The following CDK2AP1 variants were observed in gnomAD, a reference collection of about 807,000 sequenced individuals.
The protein encoded by CDK2AP1 is cyclin dependent kinase 2 associated protein 1.
CDK2AP1 carries 10 observed loss-of-function variants against 14.1 expected under a neutral mutation model. The observed-to-expected ratio is 0.71, with a 90% CI of 0.44 to 1.20. The LOEUF (loss-of-function observed/expected upper bound fraction) is 1.20. CDK2AP1 is among the 50% of genes most tolerant of loss of function. The pLI is 0.00. For synonymous variants in CDK2AP1, 59 were observed against 59.8 expected, an observed-to-expected ratio of 0.99 and a Z score of 0.06; for missense variants, 102 against 149.9, an observed-to-expected ratio of 0.68 and a Z score of 1.67.
In CDK2AP1 at chr12:123,261,480, TC is replaced by T; in HGVS notation, c.*255del. The T allele has an allele frequency of 2.4e-6, 1 of 422,774 alleles. No homozygotes were observed. Among genetic ancestry groups the T allele is most frequent in the Middle Eastern group, 6.8e-4 (1 of 1,462 alleles). The allele number at this position is 422,774 out of a possible 1,614,324, so 26.2% of individuals were successfully genotyped here. A position where few individuals can be genotyped will look rare whatever the true frequency, so the allele number is the denominator to read the frequency against. On this transcript the variant is annotated 3_prime_UTR_variant, in exon 4 of 4. Coordinates refer to ENST00000261692, the MANE Select transcript of CDK2AP1 (RefSeq NM_004642.4). ...ACTACAGTTTGCTGTAAGATAACTT[TC>T]CGTGCATCTTTTAAATCAATGCTTA...
chr12:123,270,153 G>A (rs894789039), intron 1 of CDK2AP1: 52 of 953,048 alleles, frequency 5.5e-5, no homozygotes, highest in Non-Finnish European at 6.2e-5. Flanking sequence ...CAGGCCAGAG[G>A]AAGAAGGCTG....
chr12:123,265,503 G>C lies in CDK2AP1; in HGVS notation c.154-181C>G, dbSNP rs1310700670. On this transcript the variant is annotated intron_variant, in intron 2 of 3. Transcript: ENST00000261692. This position sits in a 1 kb window ranked among gnomAD's most constrained non-coding sequence, Gnocchi z 5.3. Reference sequence around the variant, plus strand: ...GGGCAACAGAGCGAGACTCCATCTCGGGGGAAAAAAAAAAAAAAGGGTTCA... The same window carrying C: ...GGGCAACAGAGCGAGACTCCATCTCCGGGGAAAAAAAAAAAAAAGGGTTCA... Among the ~76,000 whole-genome samples the C allele has an allele frequency of 4.1e-5, 4 of 97,944 alleles. No homozygotes were observed. Among genetic ancestry groups the C allele is most frequent in the African/African-American group, 1.0e-4 (4 of 38,590 alleles). The allele number at this position is 97,944 out of a possible 152,430, so 64.3% of individuals were successfully genotyped here.
In CDK2AP1 at chr12:123,261,549, C is replaced by G. The variant is rs901328702; in HGVS notation, c.*187G>C. 1.1e-5 allele frequency: 6 copies of G among 528,646 alleles called. No homozygotes were observed. In the African/African-American group the frequency reaches 1.2e-4, roughly 10 times the overall value. The allele number at this position is 528,646 out of a possible 1,614,324, so 32.7% of individuals were successfully genotyped here. On this transcript the variant is annotated 3_prime_UTR_variant, in exon 4 of 4. Transcript: ENST00000261692. Reference sequence around the variant, plus strand: ...GGGCAGTTCCTAACTACTTAAAATGCAAATCCTAATTAACTGCAAAATCTT... The same window carrying G: ...GGGCAGTTCCTAACTACTTAAAATGGAAATCCTAATTAACTGCAAAATCTT...
In CDK2AP1 at chr12:123,266,213, C is replaced by T. The variant is rs549080881; in HGVS notation, c.154-891G>A. On this transcript the variant is annotated intron_variant, in intron 2 of 3. Coordinates refer to ENST00000261692, the MANE Select transcript of CDK2AP1 (RefSeq NM_004642.4). ...CGCGCTCTGTCCTGTCCTCGTCCTG[C>T]TCCGGCTGCTCTGCCTCCCCACGGC... is the stretch of plus-strand genomic sequence containing the variant. Among the ~76,000 whole-genome samples the T allele has an allele frequency of 1.3e-4, 20 of 152,360 alleles. No homozygotes were observed. In the South Asian group the frequency reaches 1.7e-3, roughly 13 times the overall value.
At chr12:123,271,977 T>TG (rs1465918581), upstream of CDK2AP1, 1 of 146,488 alleles carries the variant, frequency 6.8e-6, no homozygotes, top group Non-Finnish European at 1.5e-5. Flanking sequence ...TGCCAAAGTT[T>TG]GGGGGGCTGG....
Position 123,261,810 on chromosome 12 carries a change from C to G in CDK2AP1, c.281-7G>C, listed in dbSNP as rs4759416. 1,222,029 of 1,607,860 alleles carry G rather than the reference C, an allele frequency of 0.76. 477,199 individuals carry two copies. Among genetic ancestry groups the G allele is most frequent in the East Asian group, 1 (44,810 of 44,862 alleles). The stretch of plus-strand genomic sequence containing the variant: ...CCTCTAGCGTGAATGATGCCTGAAA[C>G]AGAGGCAGAGACCTGAGGTCAGCAA... On this transcript the variant is annotated splice_region_variant and splice_polypyrimidine_tract_variant and intron_variant, in intron 3 of 3. Transcript: ENST00000261692.
At chr12:123,264,185 G>A (rs370046895) in intron 3 of CDK2AP1, among the ~76,000 whole-genome samples, 5 of 150,364 alleles carry the variant, frequency 3.3e-5, no homozygotes, top group South Asian at 2.1e-4. Context: ...CAGGCCGGGC[G>A]TGGTGGCTCA....
In CDK2AP1 at chr12:123,261,533, C is replaced by A; in HGVS notation, c.*203G>T. On this transcript the variant is annotated 3_prime_UTR_variant, in exon 4 of 4. Transcript: ENST00000261692. ...AAAACAAAAAAAACCTGGGCAGTTC[C>A]TAACTACTTAAAATGCAAATCCTAA... 1.9e-6 allele frequency: 1 copy of A among 518,144 alleles called. No individual in the cohort carries two copies. Among genetic ancestry groups the A allele is most frequent in the Non-Finnish European group, 3.4e-6 (1 of 291,078 alleles). 32.1% of individuals were successfully genotyped at this position (518,144 alleles called of 1,614,324 possible). A position where few individuals can be genotyped will look rare whatever the true frequency, so the allele number is the denominator to read the frequency against.
intron 1 of CDK2AP1, chr12:123,270,263 T>A: frequency 1.1e-6 from 1 of 903,584 alleles, no homozygotes; most frequent in Non-Finnish European, 1.3e-6. Flanking sequence ...GTTTGCTCTT[T>A]GGGACTCCGA....
chr12:123,265,071 C>CA lies in CDK2AP1; in HGVS notation c.280+124dup. Reference sequence around the variant, plus strand: ...TCCACCACAGACGGCAACTCTGTAACAAGACAGGAGCTCCCATGAGTGAGC... The same window carrying CA: ...TCCACCACAGACGGCAACTCTGTAACAAAGACAGGAGCTCCCATGAGTGAGC... On this transcript the variant is annotated intron_variant, in intron 3 of 3. Transcript: ENST00000261692. This position sits in a 1 kb window ranked among gnomAD's most constrained non-coding sequence, Gnocchi z 5.3. The CA allele has an allele frequency of 1.5e-6, 2 of 1,350,776 alleles. No individual in the cohort carries two copies. The highest frequency in any genetic ancestry group is 2.1e-6 in the Non-Finnish European group (2 of 972,294). 83.7% of individuals were successfully genotyped at this position (1,350,776 alleles called of 1,614,324 possible). A position where few individuals can be genotyped will look rare whatever the true frequency, so the allele number is the denominator to read the frequency against.
rs1192559013 is a variant in CDK2AP1, at chr12:123,265,791, C to CA, written c.154-470dup. ...ACAGGGGAAACAGCTCATTTTGGCA[C>CA]AAAAGAGTCCAAACAGCATTTCCCA... is the stretch of plus-strand genomic sequence containing the variant. On this transcript the variant is annotated intron_variant, in intron 2 of 3. Transcript: ENST00000261692. The surrounding 1 kb of genome is among the most constrained non-coding windows in gnomAD (Gnocchi z 5.3). 6.6e-6 allele frequency among the ~76,000 whole-genome samples: 1 copy of CA among 152,310 alleles called. No homozygotes were observed. Among genetic ancestry groups the CA allele is most frequent in the East Asian group, 1.9e-4 (1 of 5,184 alleles).
intron 1 of CDK2AP1, among the ~76,000 whole-genome samples, chr12:123,269,435 G>A (rs769138760): frequency 6.6e-5 from 10 of 152,186 alleles, no homozygotes; most frequent in Admixed American, 3.9e-4. Flanking sequence ...GAGAGATGGC[G>A]GAAGGGCTCC....
Position 123,265,151 on chromosome 12 carries a change from G to A in CDK2AP1, c.280+45C>T. On this transcript the variant is annotated intron_variant, in intron 3 of 3. Transcript: ENST00000261692. This position sits in a 1 kb window ranked among gnomAD's most constrained non-coding sequence, Gnocchi z 5.3. ...CCCCAAAAGTCTTTCCAGAGTTAAA[G>A]GTCTAGCACTGTGGTCACCGACAGG... 1 of 1,612,740 alleles carries A rather than the reference G, an allele frequency of 6.2e-7. No individual in the cohort carries two copies. The highest frequency in any genetic ancestry group is 8.5e-7 in the Non-Finnish European group (1 of 1,179,326).
intron 2 of CDK2AP1, among the ~76,000 whole-genome samples, chr12:123,266,265 C>T (rs534794518): frequency 1.9e-4 from 29 of 152,372 alleles, no homozygotes; most frequent in African/African-American, 5.8e-4. Context: ...ACGGGCCTCC[C>T]GCCTGTCCTG....
In CDK2AP1 at chr12:123,267,272, G is replaced by T. The variant is rs762512774; in HGVS notation, c.66C>A (p.Val22=). 13 of 1,609,682 alleles carry T rather than the reference G, an allele frequency of 8.1e-6. No homozygotes were observed. In the South Asian group the frequency reaches 1.4e-4, roughly 18 times the overall value. Residue 22 remains valine, a synonymous_variant, in exon 2 of 4, where the codon GTC becomes GTA. Coordinates refer to ENST00000261692, the MANE Select transcript of CDK2AP1 (RefSeq NM_004642.4). The part of the protein sequence containing the change: ...PAAALNAAGS[V]HSPSTSMATS... Reference sequence around the variant, plus strand: ...TTGCCATGCTGGTGGAAGGCGAGTGGACACTCCCAGCTGTGGGGTGGGGAG... The same window carrying T: ...TTGCCATGCTGGTGGAAGGCGAGTGTACACTCCCAGCTGTGGGGTGGGGAG...
In CDK2AP1 at chr12:123,265,758, T is replaced by C. The variant is rs1304358768; in HGVS notation, c.154-436A>G. Among the ~76,000 whole-genome samples the C allele has an allele frequency of 6.6e-6, 1 of 152,024 alleles. No individual in the cohort carries two copies. The highest frequency in any genetic ancestry group is 1.5e-5 in the Non-Finnish European group (1 of 68,002). ...CAGGAAGCAACTTTATTATCTCCAATGAACAAAACAGGGGAAACAGCTCAT... is the reference window on the plus strand; with the variant it reads ...CAGGAAGCAACTTTATTATCTCCAACGAACAAAACAGGGGAAACAGCTCAT... On this transcript the variant is annotated intron_variant, in intron 2 of 3. Coordinates refer to ENST00000261692, the MANE Select transcript of CDK2AP1 (RefSeq NM_004642.4). The surrounding 1 kb of genome is among the most constrained non-coding windows in gnomAD (Gnocchi z 5.3).
intron 1 of CDK2AP1, among the ~76,000 whole-genome samples, chr12:123,269,657 C>A (rs1330814359): frequency 1.3e-5 from 2 of 151,980 alleles, no homozygotes; most frequent in Admixed American, 6.5e-5. Context: ...GCGGCCTTCC[C>A]GCCACTTGGG....
chr12:123,264,474 A>AAAAAAAAAAAT (rs2048267978), intron 3 of CDK2AP1, among the ~76,000 whole-genome samples: 1 of 148,792 alleles, frequency 6.7e-6, no homozygotes, highest in Non-Finnish European at 1.5e-5. Flanking sequence ...AAAAAAAAAA[A>AAAAAAAAAAAT]AAAAAAAAAA....
chr12:123,267,405 C>G, intron 1 of CDK2AP1, 123 bp from the exon 2 acceptor site: 2 of 680,356 alleles, frequency 2.9e-6, no homozygotes, highest in East Asian at 2.7e-5. Flanking sequence ...GATGGAGAAC[C>G]CTGCTCTCCA....
Sources: allele counts gnomAD v4.1 joint callset (sites outside exome capture counted in the v4.1 genomes callset), GRCh38; gene constraint gnomAD v4.1.1; non-coding constraint Gnocchi (gnomAD v3.1); transcripts MANE v1.5; gene names NCBI Gene and HGNC (gene_info 2026-07-23, HGNC 2026-07-21).